CDC42BPA: variants seen among roughly 807,000 people sequenced by gnomAD.
The protein encoded by CDC42BPA is serine/threonine-protein kinase MRCK alpha.
A neutral mutation model predicts 223.5 loss-of-function variants in CDC42BPA; 80 were observed. The observed-to-expected ratio is 0.36, with a 90% CI of 0.30 to 0.43. CDC42BPA has a LOEUF of 0.43. CDC42BPA is among the 20% of genes least tolerant of loss of function. The pLI is 1.00. For synonymous variants in CDC42BPA, 694 were observed against 718.6 expected (o/e 0.97, Z 0.55); for missense variants, 1,743 against 2,099.9 (o/e 0.83, Z 3.32).
At position 227,101,089 on chromosome 1, in the gene CDC42BPA, G is replaced by T; in HGVS notation, c.2152C>A (p.Leu718Ile). ...EGIHANEIKN[L>I]KKELHDSEGQ... is the part of the protein sequence containing the mutation. The stretch of plus-strand genomic sequence containing the variant: ...TCTGAATCATGCAGTTCTTTCTTAA[G>T]ATTTTTTATTTCATTTGCATGTATT... Residue 718 changes from leucine to isoleucine, a missense_variant, in exon 15 of 37, where the codon CTT (leucine) becomes ATT (isoleucine). Leu to Ile is a conservative substitution (Grantham distance 5, BLOSUM62 2). Coordinates refer to ENST00000366766, the MANE Select transcript of CDC42BPA (RefSeq NM_001394014.1). 6.4e-7 allele frequency: 1 copy of T among 1,569,716 alleles called. No homozygotes were observed. Among genetic ancestry groups the T allele is most frequent in the South Asian group, 1.1e-5 (1 of 89,920 alleles).
chr1:226,997,459 C>T (rs1356800327), intron 35 of CDC42BPA, among the ~76,000 whole-genome samples: 2 of 152,106 alleles, frequency 1.3e-5, no homozygotes, highest in Non-Finnish European at 2.9e-5. Context: ...TTCAGTTCTG[C>T]TCTGATCTTA....
chr1:227,052,593 A>AT (rs1673744420), intron 21 of CDC42BPA, among the ~76,000 whole-genome samples: 1 of 152,184 alleles, frequency 6.6e-6, no homozygotes, highest in Non-Finnish European at 1.5e-5. Context: ...CTTATGAACC[A>AT]TACTGATTGA....
intron 1 of CDC42BPA, among the ~76,000 whole-genome samples, chr1:227,262,888 A>G (rs1334118028): frequency 6.6e-6 from 1 of 152,226 alleles, no homozygotes; most frequent in Non-Finnish European, 1.5e-5. Context: ...CTTTAATCAC[A>G]AAGAGTTAAT....
intron 1 of CDC42BPA, among the ~76,000 whole-genome samples, chr1:227,315,193 TACTC>T (rs1394444666): frequency 2.0e-5 from 3 of 152,054 alleles, no homozygotes; most frequent in Non-Finnish European, 4.4e-5. Flanking sequence ...ATAAAAATAA[TACTC>T]AGCCAAATAC....
chr1:227,039,994 AG>A, intron 24 of CDC42BPA, 136 bp downstream of exon 24: 1 of 659,894 alleles, frequency 1.5e-6, no homozygotes, highest in African/African-American at 1.8e-5. Flanking sequence ...CAGACAACAC[AG>A]ATTATTTCCA....
chr1:227,310,316 T>G (rs1040199832), intron 1 of CDC42BPA, among the ~76,000 whole-genome samples: 13 of 152,182 alleles, frequency 8.5e-5, no homozygotes, highest in African/African-American at 3.1e-4. Context: ...CTATTAAATA[T>G]CCCATGGATT....
intron 35 of CDC42BPA, among the ~76,000 whole-genome samples, chr1:227,001,932 A>G (rs1662944906): frequency 6.6e-6 from 1 of 152,166 alleles, no homozygotes; most frequent in African/African-American, 2.4e-5. Flanking sequence ...AAAAAACAAA[A>G]AACAAAAACG....
rs369476148 is a variant in CDC42BPA at position 227,149,073 on chromosome 1, C to T, written c.694-1514G>A. Among the ~76,000 whole-genome samples the T allele has an allele frequency of 1.7e-4, 26 of 152,178 alleles. 1 individual carries two copies. The highest frequency in any genetic ancestry group is 1.4e-3 in the East Asian group (7 of 5,178). On this transcript the variant is annotated intron_variant, in intron 6 of 36. Transcript: ENST00000366766. ...GGGGCGAGTTTGAAGACAAAGGCTG[C>T]CCTATATACATACCTTTTGCCTTAA...
At chr1:227,088,776 A>C (rs944232435) in intron 16 of CDC42BPA, among the ~76,000 whole-genome samples, 1 of 152,186 alleles carries the variant, frequency 6.6e-6, no homozygotes, top group African/African-American at 2.4e-5. Flanking sequence ...CTCAGTCTGG[A>C]GTGCAGTGGT....
intron 1 of CDC42BPA, among the ~76,000 whole-genome samples, chr1:227,283,267 G>C (rs925700012): frequency 3.3e-5 from 5 of 151,974 alleles, no homozygotes; most frequent in Non-Finnish European, 7.4e-5. Context: ...TAAATCTGTT[G>C]CTATTAAATG....
intron 11 of CDC42BPA, among the ~76,000 whole-genome samples, chr1:227,122,119 A>G (rs1688768014): frequency 6.6e-6 from 1 of 152,140 alleles, no homozygotes; most frequent in Non-Finnish European, 1.5e-5. Flanking sequence ...AACAATTTCT[A>G]AAGTAAATAT....
intron 21 of CDC42BPA, among the ~76,000 whole-genome samples, chr1:227,062,888 C>T (rs190408358): frequency 9.1e-4 from 138 of 151,096 alleles, no homozygotes; most frequent in Non-Finnish European, 1.4e-3. Context: ...CTGGAGTATG[C>T]TAAAACCATG....
At chr1:227,153,235 G>GAA (rs34205024) in intron 6 of CDC42BPA, among the ~76,000 whole-genome samples, 17 of 150,388 alleles carry the variant, frequency 1.1e-4, no homozygotes, top group South Asian at 4.2e-4. Flanking sequence ...CCAAAAGTTA[G>GAA]AAAAAAAAAG....
chr1:227,044,749 G>C (rs941849730), intron 23 of CDC42BPA, among the ~76,000 whole-genome samples: 3 of 151,908 alleles, frequency 2.0e-5, no homozygotes, highest in African/African-American at 7.3e-5. Flanking sequence ...AGTAGTTTTA[G>C]CTTAAAATTT....
intron 34 of CDC42BPA, chr1:227,011,142 G>C (rs577007944): frequency 1.4e-6 from 1 of 691,020 alleles, no homozygotes; most frequent in Non-Finnish European, 2.1e-6. Context: ...CATGCACACA[G>C]AACAAATGGA....
At chr1:227,066,514 T>C (rs1677119337) in intron 21 of CDC42BPA, among the ~76,000 whole-genome samples, 1 of 152,224 alleles carries the variant, frequency 6.6e-6, no homozygotes, top group Non-Finnish European at 1.5e-5. Flanking sequence ...AAAGATTGAA[T>C]ACTGCTGTTC....
At chr1:227,082,528 C>T (rs967915163) in intron 16 of CDC42BPA, among the ~76,000 whole-genome samples, 2 of 151,720 alleles carry the variant, frequency 1.3e-5, no homozygotes, top group African/African-American at 4.8e-5. Flanking sequence ...TCCTAGGTAA[C>T]ACAGTGAAAC....
chr1:227,060,035 T>TG (rs1418529802), intron 21 of CDC42BPA, among the ~76,000 whole-genome samples: 4 of 142,824 alleles, frequency 2.8e-5, no homozygotes, highest in East Asian at 2.0e-4. Context: ...TTTTTGTTTT[T>TG]TTTTTTTTTT....
At chr1:227,227,571 T>C (rs1677064909) in intron 2 of CDC42BPA, among the ~76,000 whole-genome samples, 1 of 152,204 alleles carries the variant, frequency 6.6e-6, no homozygotes, top group Admixed American at 6.5e-5. Context: ...CTGAGTGAGA[T>C]GAAAGAAACT....
Sources: allele counts gnomAD v4.1 joint callset (sites outside exome capture counted in the v4.1 genomes callset), GRCh38; gene constraint gnomAD v4.1.1; transcripts MANE v1.5; gene names NCBI Gene and HGNC (gene_info 2026-07-23, HGNC 2026-07-21).